The following PCDHGA9 variants were observed in gnomAD, a reference collection of about 807,000 sequenced individuals.
PCDHGA9 encodes protocadherin gamma subfamily A, 9.
In PCDHGA9, 37 loss-of-function variants were observed where a neutral mutation model predicts 62.5. The ratio of observed to expected loss-of-function variants is 0.59; its 90% confidence interval spans 0.46 to 0.78. The LOEUF is 0.78. Among genes scored for constraint, PCDHGA9 ranks in the 30% least tolerant of loss-of-function variants. The pLI is 0.00. For missense variants in PCDHGA9, 1,138 were observed against 1,166.2 expected (o/e 0.98, Z 0.35); for synonymous variants, 459 against 484.6 (o/e 0.95, Z 0.69).
intron 1 of PCDHGA9, among the ~76,000 whole-genome samples, chr5:141,481,426 A>T (rs1431602618): frequency 6.6e-6 from 1 of 152,238 alleles, no homozygotes; most frequent in Non-Finnish European, 1.5e-5. Context: ...TGTGATGATG[A>T]TTGTATCAGT....
intron 1 of PCDHGA9, among the ~76,000 whole-genome samples, chr5:141,473,858 C>T (rs569473917): frequency 6.6e-6 from 1 of 152,168 alleles, no homozygotes; most frequent in Non-Finnish European, 1.5e-5. Flanking sequence ...ATGAACCTCG[C>T]TATTGTGGAG....
intron 3 of PCDHGA9, among the ~76,000 whole-genome samples, chr5:141,509,801 T>C (rs556629445): frequency 2.6e-5 from 4 of 152,140 alleles, no homozygotes; most frequent in South Asian, 2.1e-4. Flanking sequence ...CTCAGCTTCA[T>C]AGAGCCGAGC....
At chr5:141,458,617 T>A (rs1392739721) in intron 1 of PCDHGA9, among the ~76,000 whole-genome samples, 6 of 152,170 alleles carry the variant, frequency 3.9e-5, no homozygotes, top group Non-Finnish European at 8.8e-5. Flanking sequence ...TCAGCCAGGC[T>A]GGAGTGCAGT....
At chr5:141,434,521 T>G (rs2097700467) in intron 1 of PCDHGA9, among the ~76,000 whole-genome samples, 1 of 152,202 alleles carries the variant, frequency 6.6e-6, no homozygotes, top group Non-Finnish European at 1.5e-5. Flanking sequence ...AAAGGTGTTC[T>G]TAAACCACAA....
At chr5:141,444,255 T>G (rs764607115) in intron 1 of PCDHGA9, among the ~76,000 whole-genome samples, 8 of 130,834 alleles carry the variant, frequency 6.1e-5, no homozygotes, top group Non-Finnish European at 1.2e-4. Context: ...CACTGCAACC[T>G]CCGCCTCCCA....
intron 1 of PCDHGA9, among the ~76,000 whole-genome samples, chr5:141,460,983 GTATATATATATA>G (rs59296681): frequency 7.3e-6 from 1 of 137,780 alleles, no homozygotes. Flanking sequence ...GTGTGTGTGT[GTATATATATATA>G]TGTGTATATA....
Position 141,485,087 on chromosome 5 carries a change from T to G in PCDHGA9, c.2425-9720T>G. The G allele has an allele frequency of 2.0e-6, 2 of 1,000,176 alleles. No homozygotes were observed. The highest frequency in any genetic ancestry group is 1.5e-6 in the Non-Finnish European group (1 of 651,808). 62.0% of individuals were successfully genotyped at this position (1,000,176 alleles called of 1,614,324 possible). A position where few individuals can be genotyped will look rare whatever the true frequency, so the allele number is the denominator to read the frequency against. The stretch of plus-strand genomic sequence containing the variant: ...CAGAGCTGGCGCGGGGAAAGGGAGA[T>G]AGGTGTCTCCAGCTGCTGTGGCTGT... On this transcript the variant is annotated intron_variant, in intron 1 of 3. Transcript: ENST00000573521. This position sits in a 1 kb window ranked among gnomAD's most constrained non-coding sequence, Gnocchi z 5.7.
At chr5:141,419,422 C>T (rs374564347) in intron 1 of PCDHGA9, 9 of 1,613,378 alleles carry the variant, frequency 5.6e-6, no homozygotes, top group Non-Finnish European at 7.6e-6. Flanking sequence ...GCGCCTTCGA[C>T]CACGAGCAGC....
chr5:141,409,188 C>T lies in PCDHGA9; in HGVS notation c.2424+3812C>T, dbSNP rs1487313582. ...GCGAAGGACGGAGGTGGTCTCTCTA[C>T]CCAGTGTAAAGTAATCATAGAAATC... On this transcript the variant is annotated intron_variant, in intron 1 of 3. Transcript: ENST00000573521. 9 of 1,613,880 alleles carry T rather than the reference C, an allele frequency of 5.6e-6. No homozygotes were observed. In the Admixed American group the frequency reaches 8.3e-5, roughly 15 times the overall value.
intron 2 of PCDHGA9, among the ~76,000 whole-genome samples, chr5:141,498,789 C>T (rs1302940884): frequency 6.6e-6 from 1 of 151,980 alleles, no homozygotes; most frequent in Non-Finnish European, 1.5e-5. Context: ...AAATATTAGC[C>T]AGGTGTGGTG....
Position 141,512,703 on chromosome 5 carries a change from T to C in PCDHGA9, c.*1530T>C. ...TAGCCAGTAGTGTAGTGCGGTGTGC[T>C]TTTACGTGATGGCGGGTGGGCAGCG... On this transcript the variant is annotated 3_prime_UTR_variant, in exon 4 of 4. Coordinates refer to ENST00000573521, the MANE Select transcript of PCDHGA9 (RefSeq NM_018921.3). 1 of 152,958 alleles carries C rather than the reference T, an allele frequency of 6.5e-6. No individual in the cohort carries two copies. Among genetic ancestry groups the C allele is most frequent in the East Asian group, 1.9e-4 (1 of 5,212 alleles). 9.5% of individuals were successfully genotyped at this position (152,958 alleles called of 1,614,324 possible).
At chr5:141,453,745 A>G (rs1208061874) in intron 1 of PCDHGA9, among the ~76,000 whole-genome samples, 1 of 152,264 alleles carries the variant, frequency 6.6e-6, no homozygotes, top group African/African-American at 2.4e-5. Context: ...CTTAAATAAC[A>G]TAAGTCTCCT....
chr5:141,432,416 C>T lies in PCDHGA9; in HGVS notation c.2424+27040C>T. 4 of 1,614,258 alleles carry T rather than the reference C, an allele frequency of 2.5e-6. No individual in the cohort carries two copies. Among genetic ancestry groups the T allele is most frequent in the Non-Finnish European group, 3.4e-6 (4 of 1,180,048 alleles). ...CAACGTGTCGTTGAGCCTGTTCGTG[C>T]TGGACCAGAACGACAATGCGCCCGA... On this transcript the variant is annotated intron_variant, in intron 1 of 3. Coordinates refer to ENST00000573521, the MANE Select transcript of PCDHGA9 (RefSeq NM_018921.3). The surrounding 1 kb of genome is among the most constrained non-coding windows in gnomAD (Gnocchi z 6.0).
intron 1 of PCDHGA9, among the ~76,000 whole-genome samples, chr5:141,450,547 C>T (rs182695399): frequency 3.4e-4 from 51 of 150,496 alleles, no homozygotes; most frequent in African/African-American, 1.0e-3. Context: ...AATGCAGTGG[C>T]GCAGTCTCGG....
chr5:141,433,033 C>A, intron 1 of PCDHGA9: 2 of 1,614,164 alleles, frequency 1.2e-6, no homozygotes, highest in Non-Finnish European at 1.7e-6. Flanking sequence ...ACGAGGTTTC[C>A]CTCACCACGG....
At chr5:141,413,102 G>A in intron 1 of PCDHGA9, 1 of 1,480,778 alleles carries the variant, frequency 6.8e-7, no homozygotes, top group Non-Finnish European at 9.1e-7. Context: ...TGAAGCCACA[G>A]AAAGACAAAG....
At chr5:141,427,678 C>T in intron 1 of PCDHGA9, 1 of 822,634 alleles carries the variant, frequency 1.2e-6, no homozygotes, top group Non-Finnish European at 2.0e-6. Flanking sequence ...AACAACCTTC[C>T]CGGAGCCTCC....
intron 2 of PCDHGA9, among the ~76,000 whole-genome samples, chr5:141,502,194 T>C (rs1470985683): frequency 2.6e-5 from 4 of 152,212 alleles, no homozygotes; most frequent in Non-Finnish European, 4.4e-5. Flanking sequence ...TACAATAATA[T>C]AGAATCCACC....
intron 1 of PCDHGA9, chr5:141,407,952 G>A (rs1235192174): frequency 2.7e-5 from 17 of 633,328 alleles, no homozygotes; most frequent in Admixed American, 1.4e-4. Context: ...CTGTCGGCCA[G>A]TGCAGAGCAA....
Sources: allele counts gnomAD v4.1 joint callset (sites outside exome capture counted in the v4.1 genomes callset), GRCh38; gene constraint gnomAD v4.1.1; non-coding constraint Gnocchi (gnomAD v3.1); transcripts MANE v1.5; gene names NCBI Gene and HGNC (gene_info 2026-07-23, HGNC 2026-07-21).